Variants in HS6ST3 observed in about 807,000 individuals in gnomAD.
HS6ST3 encodes heparan-sulfate 6-O-sulfotransferase 3.
In HS6ST3, 12 loss-of-function variants were observed where a neutral mutation model predicts 36.7. That is an observed-to-expected ratio of 0.33 (90% CI 0.21 to 0.53). The LOEUF (loss-of-function observed/expected upper bound fraction) is 0.53, where lower values mean the gene tolerates loss of function less well. Among genes scored for constraint, HS6ST3 ranks in the 20% least tolerant of loss-of-function variants. The pLI, the probability that HS6ST3 is intolerant of heterozygous loss-of-function variation, is 0.95. For missense variants in HS6ST3, 584 were observed against 640.9 expected (o/e 0.91, Z 0.96); for synonymous variants, 240 against 257.5 (o/e 0.93, Z 0.65).
intron 1 of HS6ST3, among the ~76,000 whole-genome samples, chr13:96,331,611 G>T (rs186062482): frequency 0.07 from 10,663 of 152,160 alleles, 457 homozygotes; most frequent in Middle Eastern, 0.12. Context: ...ATTTAAGTCT[G>T]CAGAGGTTAC....
intron 1 of HS6ST3, among the ~76,000 whole-genome samples, chr13:96,465,324 A>G (rs1161746712): frequency 6.6e-6 from 1 of 152,168 alleles, no homozygotes; most frequent in Non-Finnish European, 1.5e-5. Context: ...GAATATGGAA[A>G]CAACAACCCA....
intron 1 of HS6ST3, among the ~76,000 whole-genome samples, chr13:96,434,028 G>A (rs760350251): frequency 2.0e-5 from 3 of 152,222 alleles, no homozygotes; most frequent in African/African-American, 4.8e-5. Context: ...ATACAAGGGT[G>A]TAGAGAGTTA....
intron 1 of HS6ST3, among the ~76,000 whole-genome samples, chr13:96,283,623 A>G (rs781034218): frequency 6.6e-6 from 1 of 152,210 alleles, no homozygotes; most frequent in African/African-American, 2.4e-5. Flanking sequence ...TGACCAAATA[A>G]TATACCATTT....
At chr13:96,296,604 A>G (rs2054856064) in intron 1 of HS6ST3, among the ~76,000 whole-genome samples, 1 of 152,126 alleles carries the variant, frequency 6.6e-6, no homozygotes, top group African/African-American at 2.4e-5. Flanking sequence ...ATTTTATAAA[A>G]TTAACAAAAT....
chr13:96,280,952 G>A (rs2139393700), intron 1 of HS6ST3, among the ~76,000 whole-genome samples: 1 of 152,206 alleles, frequency 6.6e-6, no homozygotes, highest in African/African-American at 2.4e-5. Flanking sequence ...TTCGTATCCT[G>A]CTTCTCTTAA....
intron 1 of HS6ST3, among the ~76,000 whole-genome samples, chr13:96,568,764 T>C (rs999012163): frequency 2.6e-5 from 4 of 152,216 alleles, no homozygotes; most frequent in African/African-American, 9.6e-5. Flanking sequence ...TTTGGTGGTA[T>C]ACTGTGTTTG....
chr13:96,491,261 G>C (rs1594792402), intron 1 of HS6ST3, among the ~76,000 whole-genome samples: 1 of 152,018 alleles, frequency 6.6e-6, no homozygotes, highest in East Asian at 1.9e-4. Flanking sequence ...GCTGAAAGCT[G>C]TTCCCAAAGC....
intron 1 of HS6ST3, among the ~76,000 whole-genome samples, chr13:96,761,350 A>G (rs901206644): frequency 6.6e-6 from 1 of 151,920 alleles, no homozygotes; most frequent in Non-Finnish European, 1.5e-5. Context: ...TTGTAATTTT[A>G]TAATTTCATT....
chr13:96,127,161 G>T (rs2053956076), intron 1 of HS6ST3, among the ~76,000 whole-genome samples: 1 of 152,198 alleles, frequency 6.6e-6, no homozygotes, highest in Admixed American at 6.5e-5. Context: ...TAGGAGATGA[G>T]GTCATGGGGG....
chr13:96,482,961 C>T (rs2055896795), intron 1 of HS6ST3, among the ~76,000 whole-genome samples: 1 of 152,158 alleles, frequency 6.6e-6, no homozygotes, highest in South Asian at 2.1e-4. Flanking sequence ...TCTTAATCCA[C>T]CAGCTGATTT....
chr13:96,750,056 C>A (rs1257659716), intron 1 of HS6ST3, among the ~76,000 whole-genome samples: 1 of 152,090 alleles, frequency 6.6e-6, no homozygotes, highest in Non-Finnish European at 1.5e-5. Flanking sequence ...AGATCTTGAA[C>A]ACACATTTCC....
intron 1 of HS6ST3, among the ~76,000 whole-genome samples, chr13:96,758,214 T>A (rs1442791654): frequency 1.3e-5 from 2 of 151,966 alleles, no homozygotes; most frequent in Admixed American, 1.3e-4. Flanking sequence ...AAGTTGTCAA[T>A]TATTTTGCAA....
intron 1 of HS6ST3, among the ~76,000 whole-genome samples, chr13:96,357,766 C>T (rs756631904): frequency 2.6e-5 from 4 of 152,132 alleles, no homozygotes; most frequent in South Asian, 2.1e-4. Context: ...AAGCCATCCT[C>T]CTGCCTTGGC....
chr13:96,355,185 C>A (rs886815421), intron 1 of HS6ST3, among the ~76,000 whole-genome samples: 1 of 152,050 alleles, frequency 6.6e-6, no homozygotes. Flanking sequence ...AAATTTAAAA[C>A]CTCCTGGAAA....
chr13:96,532,086 G>C (rs74107905), intron 1 of HS6ST3, among the ~76,000 whole-genome samples: 3 of 152,142 alleles, frequency 2.0e-5, no homozygotes, highest in African/African-American at 7.2e-5. Context: ...GCCCATCCCA[G>C]GCTGGATCCA....
intron 1 of HS6ST3, among the ~76,000 whole-genome samples, chr13:96,703,707 C>T (rs1199786866): frequency 6.6e-6 from 1 of 152,138 alleles, no homozygotes; most frequent in African/African-American, 2.4e-5. Context: ...TTGGCTTAAG[C>T]ATGTTGATAT....
chr13:96,444,410 A>T lies in HS6ST3; in HGVS notation c.707+352841A>T, dbSNP rs929693318. 6.6e-5 allele frequency among the ~76,000 whole-genome samples: 10 copies of T among 152,366 alleles called. No homozygotes were observed. In the East Asian group the frequency reaches 1.7e-3, roughly 26 times the overall value. On this transcript the variant is annotated intron_variant, in intron 1 of 1. Transcript: ENST00000376705. ...GTGGGAACAAAAGGGAAATTTCATTATGATGATTTCCCACTAATGCACATT... is the reference window on the plus strand; with the variant it reads ...GTGGGAACAAAAGGGAAATTTCATTTTGATGATTTCCCACTAATGCACATT...
rs2054008436 is a variant in HS6ST3, at chr13:96,137,482, G to A, written c.707+45913G>A. Among the ~76,000 whole-genome samples the A allele has an allele frequency of 4.1e-5, 6 of 144,668 alleles. No homozygotes were observed. The Admixed American group carries it at 4.2e-4, about 10-fold the overall frequency. 94.9% of individuals were successfully genotyped at this position (144,668 alleles called of 152,430 possible). A position where few individuals can be genotyped will look rare whatever the true frequency, so the allele number is the denominator to read the frequency against. On this transcript the variant is annotated intron_variant, in intron 1 of 1. Coordinates refer to ENST00000376705, the MANE Select transcript of HS6ST3 (RefSeq NM_153456.4). The stretch of plus-strand genomic sequence containing the variant: ...AGAGTCTCGCTCTGTCACCCAGGCT[G>A]GAGTACAGTGGTGCGATCTTAGCTC...
chr13:96,625,390 A>T (rs755718983), intron 1 of HS6ST3, among the ~76,000 whole-genome samples: 3 of 152,170 alleles, frequency 2.0e-5, no homozygotes, highest in African/African-American at 7.2e-5. Context: ...CGAGCAATAG[A>T]CTTGCTGGGC....
Sources: gnomAD v4.1 joint callset for allele counts (sites outside exome capture counted in the v4.1 genomes callset) on GRCh38, gnomAD v4.1.1 for gene constraint, MANE v1.5 for transcripts, NCBI Gene and HGNC (gene_info 2026-07-23, HGNC 2026-07-21) for gene names.